The following CCDC7 variants were observed in gnomAD, a reference collection of about 807,000 sequenced individuals.
CCDC7 encodes coiled-coil domain-containing protein 7.
CCDC7 carries 183 observed loss-of-function variants against 196.9 expected under a neutral mutation model. The ratio of observed to expected loss-of-function variants is 0.93; its 90% CI spans 0.82 to 1.05. CCDC7 has a LOEUF of 1.05. Ranked by LOEUF, CCDC7 falls within the 50% of genes least tolerant of loss-of-function variation. The pLI, the probability that CCDC7 is intolerant of heterozygous loss-of-function variation, is 0.00. For missense variants in CCDC7, 1,540 were observed against 1,482.2 expected, an observed-to-expected ratio of 1.04 and a Z score of -0.64; for synonymous variants, 525 against 484.6, an observed-to-expected ratio of 1.08 and a Z score of -1.10.
intron 21 of CCDC7, among the ~76,000 whole-genome samples, chr10:32,677,148 A>G (rs1159260872): frequency 7.0e-6 from 1 of 142,982 alleles, no homozygotes; most frequent in African/African-American, 2.6e-5. Flanking sequence ...TCTCACTCAT[A>G]GGTGGGAATT....
chr10:32,713,428 C>T (rs976832632), intron 25 of CCDC7, among the ~76,000 whole-genome samples: 2 of 152,198 alleles, frequency 1.3e-5, no homozygotes, highest in Non-Finnish European at 2.9e-5. Flanking sequence ...TGTACTAACC[C>T]CTAGTCATGC....
At chr10:32,646,280 G>A (rs2067758085) in intron 20 of CCDC7, among the ~76,000 whole-genome samples, 1 of 148,984 alleles carries the variant, frequency 6.7e-6, no homozygotes. Flanking sequence ...TCTTTTCTTT[G>A]ATGCATTGTT....
intron 28 of CCDC7, among the ~76,000 whole-genome samples, chr10:32,777,281 T>C (rs186931754): frequency 6.6e-4 from 101 of 152,328 alleles, no homozygotes; most frequent in East Asian, 1.7e-3. Flanking sequence ...CAGTTCACCA[T>C]TGATGAGCAC....
intron 20 of CCDC7, among the ~76,000 whole-genome samples, chr10:32,660,268 C>T (rs2071006565): frequency 7.2e-6 from 1 of 139,832 alleles, no homozygotes; most frequent in Non-Finnish European, 1.5e-5. Context: ...AATGCTATCC[C>T]TCCCGCCTCC....
At chr10:32,702,679 G>T (rs555457760) in intron 24 of CCDC7, among the ~76,000 whole-genome samples, 1 of 152,026 alleles carries the variant, frequency 6.6e-6, no homozygotes, top group African/African-American at 2.4e-5. Context: ...GTCTCTAAGG[G>T]CTTTCTTTAT....
At chr10:32,794,667 T>TCAA (rs2083258301) in intron 29 of CCDC7, among the ~76,000 whole-genome samples, 1 of 152,216 alleles carries the variant, frequency 6.6e-6, no homozygotes, top group South Asian at 2.1e-4. Flanking sequence ...TGTATCTCTC[T>TCAA]AATATTAGTG....
rs1347759637 is a variant in CCDC7, at chr10:32,471,082, CTT to C, written c.532_533del (p.Leu178ThrfsTer8). 2 of 1,604,150 alleles carry C rather than the reference CTT, an allele frequency of 1.2e-6. No individual in the cohort carries two copies. The highest frequency in any genetic ancestry group is 1.7e-6 in the Non-Finnish European group (2 of 1,176,920). On this transcript the variant is annotated frameshift_variant, in exon 6 of 42. Coordinates refer to ENST00000639629, the Ensembl canonical transcript of CCDC7. LOFTEE classifies it high-confidence loss of function. ...ATTTTAGATAAGTAAAGATCAAACTCTTTTACAAGCAGAGCCTCCAAAACCTG... is the reference window on the plus strand; with the variant it reads ...ATTTTAGATAAGTAAAGATCAAACTCTTACAAGCAGAGCCTCCAAAACCTG...
At chr10:32,542,354 C>CG (rs934803367) in intron 11 of CCDC7, among the ~76,000 whole-genome samples, 21 of 152,138 alleles carry the variant, frequency 1.4e-4, no homozygotes, top group African/African-American at 4.8e-4. Context: ...GCAGAAAGGC[C>CG]GGGTGCAGTG....
At chr10:32,770,139 A>G (rs1037520393) in intron 28 of CCDC7, among the ~76,000 whole-genome samples, 13 of 151,776 alleles carry the variant, frequency 8.6e-5, no homozygotes, top group African/African-American at 3.1e-4. Context: ...TATCTTTGTT[A>G]TTTCTTTTCT....
At chr10:32,866,866 T>C (rs1164015217) in intron 41 of CCDC7, among the ~76,000 whole-genome samples, 1 of 151,620 alleles carries the variant, frequency 6.6e-6, no homozygotes, top group African/African-American at 2.4e-5. Flanking sequence ...ATAGACACCA[T>C]TACAATCTAA....
intron 24 of CCDC7, among the ~76,000 whole-genome samples, chr10:32,700,828 G>C (rs183958080): frequency 1.3e-5 from 2 of 152,252 alleles, no homozygotes; most frequent in African/African-American, 4.8e-5. Flanking sequence ...ATGTGAATGG[G>C]AATTCACTCA....
At chr10:32,876,248 C>T in intron 41 of CCDC7, 99 bp from the exon 43 acceptor site, 1 of 831,610 alleles carries the variant, frequency 1.2e-6, no homozygotes, top group Non-Finnish European at 1.9e-6. Context: ...TTATATTATT[C>T]ATACATTCTG....
intron 8 of CCDC7, among the ~76,000 whole-genome samples, chr10:32,490,567 C>T (rs192116403): frequency 9.9e-4 from 150 of 152,228 alleles, no homozygotes; most frequent in Middle Eastern, 3.4e-3. Flanking sequence ...GAGGCCCAGA[C>T]GGGCTGATCA....
intron 29 of CCDC7, among the ~76,000 whole-genome samples, chr10:32,780,724 A>G (rs1390490116): frequency 6.6e-6 from 1 of 152,198 alleles, no homozygotes; most frequent in Non-Finnish European, 1.5e-5. Flanking sequence ...AATGAAGAGC[A>G]AAAAGGTATA....
At chr10:32,716,240 G>A (rs964787438) in intron 25 of CCDC7, among the ~76,000 whole-genome samples, 4 of 152,164 alleles carry the variant, frequency 2.6e-5, no homozygotes, top group African/African-American at 9.7e-5. Flanking sequence ...GGGAGTGGGG[G>A]CCAATATTCA....
At chr10:32,560,931 A>C (rs1216336313) in intron 13 of CCDC7, among the ~76,000 whole-genome samples, 1 of 152,182 alleles carries the variant, frequency 6.6e-6, no homozygotes, top group African/African-American at 2.4e-5. Flanking sequence ...AAACCATCTC[A>C]CATGCAGAGA....
At chr10:32,467,268 ATT>A (rs3030627) in intron 5 of CCDC7, among the ~76,000 whole-genome samples, 116,296 of 145,806 alleles carry the variant, frequency 0.8, 47,679 homozygotes, top group Non-Finnish European at 0.9. Flanking sequence ...TGCCCGGCTA[ATT>A]TTTTTTTTTT....
At chr10:32,497,312 A>T (rs1189762483) in intron 9 of CCDC7, among the ~76,000 whole-genome samples, 1 of 152,000 alleles carries the variant, frequency 6.6e-6, no homozygotes, top group Non-Finnish European at 1.5e-5. Flanking sequence ...GTAGCAGTCT[A>T]TCTATTTTGT....
At chr10:32,819,581 A>C (rs1593107052) in intron 31 of CCDC7, among the ~76,000 whole-genome samples, 1 of 152,314 alleles carries the variant, frequency 6.6e-6, no homozygotes, top group East Asian at 1.9e-4. Flanking sequence ...AATACTGACA[A>C]ACTGAATCCA....
Sources: allele counts gnomAD v4.1 joint callset (sites outside exome capture counted in the v4.1 genomes callset), GRCh38; gene constraint gnomAD v4.1.1; transcripts MANE v1.5; gene names NCBI Gene and HGNC (gene_info 2026-07-23, HGNC 2026-07-21).